Variants in SPIRE2 observed in about 807,000 individuals in gnomAD.
SPIRE2 encodes the protein protein spire homolog 2.
In SPIRE2, 76 loss-of-function variants were observed where a neutral mutation model predicts 80.7. The ratio of observed to expected loss-of-function variants is 0.94; its 90% CI spans 0.78 to 1.14. SPIRE2 has a LOEUF of 1.14. SPIRE2 is among the 50% of genes most tolerant of loss of function. The probability of loss-of-function intolerance (pLI) is 0.00; values close to 1 mark genes in which losing one functional copy is unlikely to be tolerated. For synonymous variants in SPIRE2, 535 were observed against 432.6 expected (o/e 1.24, Z -2.94); for missense variants, 1,196 against 1,015.3 (o/e 1.18, Z -2.42).
intron 12 of SPIRE2, 142 bp downstream of exon 12, chr16:89,864,003 T>G (rs752618155): frequency 2.8e-5 from 17 of 609,158 alleles, no homozygotes; most frequent in Non-Finnish European, 4.1e-5. Flanking sequence ...ATATGGTTAG[T>G]ACGAATGAGG....
At chr16:89,831,350 G>T (rs998846333) in intron 1 of SPIRE2, among the ~76,000 whole-genome samples, 2 of 148,774 alleles carry the variant, frequency 1.3e-5, no homozygotes, top group Non-Finnish European at 3.0e-5. Context: ...CCTATTTTTT[G>T]AATGTTTTTT....
At chr16:89,868,656 C>T (rs2041809964) in intron 13 of SPIRE2, among the ~76,000 whole-genome samples, 1 of 152,038 alleles carries the variant, frequency 6.6e-6, no homozygotes, top group Non-Finnish European at 1.5e-5. Flanking sequence ...CACTTGAGAC[C>T]AGCCTGGCCA....
At position 89,828,875 on chromosome 16, in the gene SPIRE2, G is replaced by A. The variant is rs952990075; in HGVS notation, c.244+81G>A. 44 of 1,091,840 alleles carry A rather than the reference G, an allele frequency of 4.0e-5. No individual in the cohort carries two copies. Among genetic ancestry groups the A allele is most frequent in the Middle Eastern group, 3.8e-4 (1 of 2,638 alleles). The allele number at this position is 1,091,840 out of a possible 1,614,324, so 67.6% of individuals were successfully genotyped here. A position where few individuals can be genotyped will look rare whatever the true frequency, so the allele number is the denominator to read the frequency against. On this transcript the variant is annotated intron_variant, in intron 1 of 14. Coordinates refer to ENST00000378247, the MANE Select transcript of SPIRE2 (RefSeq NM_032451.2). This position sits in a 1 kb window ranked among gnomAD's most constrained non-coding sequence, Gnocchi z 5.9. ...CCCCCTGGGTGGGGGTGGTCCCGGC[G>A]GAGAGGCTGCGACCGGTTCTGGAGC... is the stretch of plus-strand genomic sequence containing the variant.
At position 89,867,369 on chromosome 16, in the gene SPIRE2, A is replaced by G. The variant is rs376716843; in HGVS notation, c.1779-820A>G. On this transcript the variant is annotated intron_variant, in intron 12 of 14. Transcript: ENST00000378247. ...CATCTTGGCCAGGCCGATGTTGAACACCTGACCTCGTGATCCACCTGCCTT... is the reference window on the plus strand; with the variant it reads ...CATCTTGGCCAGGCCGATGTTGAACGCCTGACCTCGTGATCCACCTGCCTT... 1.2e-3 allele frequency among the ~76,000 whole-genome samples: 183 copies of G among 151,400 alleles called. 6 individuals carry two copies. In the South Asian group the frequency reaches 0.036, roughly 30 times the overall value.
chr16:89,860,033 A>T (rs972570412), intron 9 of SPIRE2, among the ~76,000 whole-genome samples: 1 of 151,986 alleles, frequency 6.6e-6, no homozygotes, highest in Non-Finnish European at 1.5e-5. Flanking sequence ...GGCCTCCCCC[A>T]CCTGGAGCTG....
chr16:89,870,200 C>T lies in SPIRE2; in HGVS notation c.2073C>T (p.Asn691=), dbSNP rs769770531. 3 of 1,609,306 alleles carry T rather than the reference C, an allele frequency of 1.9e-6. No homozygotes were observed. Among genetic ancestry groups the T allele is most frequent in the Middle Eastern group, 1.7e-4 (1 of 5,986 alleles). Reference sequence around the variant, plus strand: ...GCCGCAAGAGCGTGGACGTCCTCAACACTACGCCACGACGCAGTCGCCAGA... The same window carrying T: ...GCCGCAAGAGCGTGGACGTCCTCAATACTACGCCACGACGCAGTCGCCAGA... ...RSSRKSVDVL[N]TTPRRSRQTQ... is the part of the protein sequence containing the mutation. Residue 691 remains asparagine (N), a synonymous_variant, in exon 15 of 15, where the codon AAC becomes AAT. Coordinates refer to ENST00000378247, the MANE Select transcript of SPIRE2 (RefSeq NM_032451.2).
chr16:89,855,578 A>G (rs1425272714), intron 5 of SPIRE2, 22 bp from the exon 6 acceptor site: 2 of 1,608,342 alleles, frequency 1.2e-6, no homozygotes, highest in Admixed American at 3.3e-5. Context: ...GCAGGGCCTC[A>G]GATCAGCCGT....
At chr16:89,846,378 G>T (rs1288856590) in intron 2 of SPIRE2, 2 of 151,386 alleles carry the variant, frequency 1.3e-5, no homozygotes, top group Non-Finnish European at 2.9e-5. Context: ...TTGGACTGCA[G>T]TGGTGCGATC....
At chr16:89,845,257 G>A in intron 1 of SPIRE2, 65 bp from the exon 2 acceptor site, 1 of 1,434,272 alleles carries the variant, frequency 7.0e-7, no homozygotes, top group South Asian at 1.1e-5. Flanking sequence ...GAGGTGGGGG[G>A]ACAGCAGTGT....
chr16:89,845,698 G>C, intron 2 of SPIRE2: 2 of 660,366 alleles, frequency 3.0e-6, no homozygotes, highest in African/African-American at 1.8e-5. Context: ...TCAGGGAGAC[G>C]ACTTCAGGTG....
At chr16:89,838,496 T>TA (rs2041472863) in intron 1 of SPIRE2, among the ~76,000 whole-genome samples, 1 of 151,834 alleles carries the variant, frequency 6.6e-6, no homozygotes, top group Non-Finnish European at 1.5e-5. Context: ...CAATAACTCT[T>TA]ATGGTAGGTG....
rs1332748497 is a variant in SPIRE2 at position 89,854,196 on chromosome 16, G to A, written c.646-90G>A. ...TTCCGGCTGGTCGAGTGGAGCCCCCGTGACGTGGTCGTGTCCCTGACGGAC... is the reference window on the plus strand; with the variant it reads ...TTCCGGCTGGTCGAGTGGAGCCCCCATGACGTGGTCGTGTCCCTGACGGAC... On this transcript the variant is annotated intron_variant, in intron 3 of 14. Transcript: ENST00000378247. The A allele has an allele frequency of 3.7e-5, 45 of 1,223,904 alleles. 1 individual carries two copies. The highest frequency in any genetic ancestry group is 2.2e-4 in the South Asian group (16 of 74,398). 75.8% of individuals were successfully genotyped at this position (1,223,904 alleles called of 1,614,324 possible).
chr16:89,859,716 C>G (rs1347190371), intron 9 of SPIRE2, among the ~76,000 whole-genome samples: 8 of 152,122 alleles, frequency 5.3e-5, no homozygotes, highest in Non-Finnish European at 8.8e-5. Flanking sequence ...CGGCTGGGCT[C>G]GCAGCACATG....
intron 2 of SPIRE2, 83 bp from the exon 3 acceptor site, chr16:89,850,221 T>C (rs770368851): frequency 8.5e-7 from 1 of 1,172,366 alleles, no homozygotes; most frequent in African/African-American, 1.5e-5. Flanking sequence ...GGCCGGGTGC[T>C]GGGCCCTCTG....
At chr16:89,831,604 A>AGCCAGAAT (rs1316132477) in intron 1 of SPIRE2, among the ~76,000 whole-genome samples, 1 of 150,126 alleles carries the variant, frequency 6.7e-6, no homozygotes, top group Non-Finnish European at 1.5e-5. Flanking sequence ...TCACTGTGTT[A>AGCCAGAAT]GCCAGAATGG....
At position 89,854,531 on chromosome 16, in the gene SPIRE2, G is replaced by A. The variant is rs1271694795; in HGVS notation, c.771G>A (p.Val257=). ...VQLMRELRRG[V]KLKKVQEQEF... is the part of the protein sequence containing the mutation. ...TCATGCGGGAGCTCCGCCGCGGAGTGAAGCTGAAGAAGGTGCAAGAGCAGG... is the reference window on the plus strand; with the variant it reads ...TCATGCGGGAGCTCCGCCGCGGAGTAAAGCTGAAGAAGGTGCAAGAGCAGG... Residue 257 remains valine, a synonymous_variant, in exon 5 of 15, where the codon GTG becomes GTA. Coordinates refer to ENST00000378247, the MANE Select transcript of SPIRE2 (RefSeq NM_032451.2). The A allele has an allele frequency of 1.2e-6, 2 of 1,612,652 alleles. No homozygotes were observed. Among genetic ancestry groups the A allele is most frequent in the Non-Finnish European group, 1.7e-6 (2 of 1,179,950 alleles).
intron 9 of SPIRE2, 112 bp downstream of exon 9, chr16:89,859,466 A>G (rs1387963403): frequency 1.7e-6 from 1 of 577,862 alleles, no homozygotes; most frequent in African/African-American, 1.9e-5. Context: ...GCTCCCAGGG[A>G]CCCAGGGAGC....
chr16:89,846,961 A>T (rs2041567578), intron 2 of SPIRE2: 2 of 150,940 alleles, frequency 1.3e-5, no homozygotes, highest in Admixed American at 1.3e-4. Flanking sequence ...AAAGTTTTTC[A>T]TGCCCAAGTG....
At chr16:89,860,816 C>T (rs140167238) in intron 10 of SPIRE2, 21 bp downstream of exon 10, 91 of 1,427,562 alleles carry the variant, frequency 6.4e-5, no homozygotes, top group Non-Finnish European at 8.0e-5. Context: ...GTGCGATTGT[C>T]GTCCAGGGCG....
Sources: allele counts gnomAD v4.1 joint callset (sites outside exome capture counted in the v4.1 genomes callset), GRCh38; gene constraint gnomAD v4.1.1; non-coding constraint Gnocchi (gnomAD v3.1); transcripts MANE v1.5; gene names NCBI Gene and HGNC (gene_info 2026-07-23, HGNC 2026-07-21).